The following MYRIP variants were observed in gnomAD, a reference collection of about 807,000 sequenced individuals.
The protein encoded by MYRIP is myosin VIIA and Rab interacting protein, also known as rab effector MyRIP.
MYRIP carries 49 observed loss-of-function variants against 98.0 expected under a neutral mutation model. That is an observed-to-expected ratio of 0.50 (90% CI 0.40 to 0.63). The LOEUF is 0.63. MYRIP is among the 30% of genes least tolerant of loss of function. The pLI, the probability that MYRIP is intolerant of heterozygous loss-of-function variation, is 0.00. For synonymous variants in MYRIP, 404 were observed against 409.5 expected (o/e 0.99, Z 0.16); for missense variants, 1,004 against 1,058.2 (o/e 0.95, Z 0.71).
intron 10 of MYRIP, among the ~76,000 whole-genome samples, chr3:40,201,601 A>C (rs1290346059): frequency 6.6e-6 from 1 of 152,168 alleles, no homozygotes; most frequent in East Asian, 1.9e-4. Flanking sequence ...CAATTCCACC[A>C]ACCAGGCAGG....
intron 2 of MYRIP, among the ~76,000 whole-genome samples, chr3:39,958,593 C>T (rs1431519349): frequency 6.6e-6 from 1 of 152,122 alleles, no homozygotes; most frequent in Non-Finnish European, 1.5e-5. Context: ...AAAACCTAGG[C>T]AATACCATTC....
intron 1 of MYRIP, among the ~76,000 whole-genome samples, chr3:39,877,227 C>G (rs1421534427): frequency 6.6e-6 from 1 of 152,126 alleles, no homozygotes; most frequent in Admixed American, 6.5e-5. Context: ...ATTGGTTGTT[C>G]TAGTTATACA....
At chr3:40,082,847 C>T (rs796677669) in intron 3 of MYRIP, among the ~76,000 whole-genome samples, 57 of 152,190 alleles carry the variant, frequency 3.7e-4, no homozygotes, top group African/African-American at 8.2e-4. Flanking sequence ...AGATAAATTT[C>T]GGGAAATGGT....
Position 40,147,111 on chromosome 3 carries a change from C to A in MYRIP, c.333-3937C>A, listed in dbSNP as rs184854167. The stretch of plus-strand genomic sequence containing the variant: ...ATCCTAAATAATATGTTTATCTTGC[C>A]ACTTATTGATTAGTCAACTTTAGAC... On this transcript the variant is annotated intron_variant, in intron 3 of 16. Transcript: ENST00000302541. Among the ~76,000 whole-genome samples, 142 of 152,284 alleles carry A rather than the reference C, an allele frequency of 9.3e-4. 1 individual carries two copies. Among genetic ancestry groups the A allele is most frequent in the African/African-American group, 3.3e-3 (139 of 41,546 alleles).
At chr3:40,205,168 G>A (rs60249586) in intron 10 of MYRIP, among the ~76,000 whole-genome samples, 56,201 of 151,886 alleles carry the variant, frequency 0.37, 10,694 homozygotes, top group East Asian at 0.62. Flanking sequence ...TGAGGTGGGG[G>A]GTCAGAGGTC....
intron 1 of MYRIP, among the ~76,000 whole-genome samples, chr3:39,897,195 G>A (rs555507511): frequency 1.2e-4 from 19 of 152,296 alleles, no homozygotes; most frequent in African/African-American, 4.3e-4. Flanking sequence ...AAAGAAAGAG[G>A]TTTCTGCAGA....
At chr3:40,206,045 T>C (rs1951784628) in intron 10 of MYRIP, among the ~76,000 whole-genome samples, 1 of 152,136 alleles carries the variant, frequency 6.6e-6, no homozygotes, top group African/African-American at 2.4e-5. Context: ...TGAAAACTAA[T>C]AATGCTCATC....
intron 1 of MYRIP, among the ~76,000 whole-genome samples, chr3:39,829,407 T>TATTTGTATTGATA (rs1372759073): frequency 2.0e-5 from 3 of 152,206 alleles, no homozygotes; most frequent in Non-Finnish European, 4.4e-5. Context: ...TGATAGGTCT[T>TATTTGTATTGATA]GGGGTTTTGG....
chr3:39,970,773 A>G (rs1035322440), intron 2 of MYRIP, among the ~76,000 whole-genome samples: 3 of 152,170 alleles, frequency 2.0e-5, no homozygotes, highest in Non-Finnish European at 1.5e-5. Context: ...CATTGTGAGT[A>G]GTAATTGTGT....
chr3:40,188,451 G>C (rs1003522762), intron 9 of MYRIP, among the ~76,000 whole-genome samples: 1 of 148,064 alleles, frequency 6.8e-6, no homozygotes, highest in Non-Finnish European at 1.5e-5. Context: ...CTGCCCCCAG[G>C]CAACCCTGCA....
At chr3:40,079,537 G>T (rs1948428376) in intron 3 of MYRIP, among the ~76,000 whole-genome samples, 1 of 152,196 alleles carries the variant, frequency 6.6e-6, no homozygotes, top group Non-Finnish European at 1.5e-5. Flanking sequence ...AGCTTTCAGA[G>T]CACACATGAG....
intron 1 of MYRIP, among the ~76,000 whole-genome samples, chr3:39,871,995 G>GA (rs544337587): frequency 2.0e-5 from 3 of 152,108 alleles, no homozygotes; most frequent in African/African-American, 7.2e-5. Flanking sequence ...ATAGATGCTT[G>GA]AAGCTATTAT....
chr3:40,125,704 A>G (rs1486450501), intron 3 of MYRIP, among the ~76,000 whole-genome samples: 2 of 152,082 alleles, frequency 1.3e-5, no homozygotes, highest in African/African-American at 4.8e-5. Context: ...GGGATCGGAG[A>G]AATTGCGCAT....
At chr3:39,870,132 G>A in intron 1 of MYRIP, among the ~76,000 whole-genome samples, 1 of 152,150 alleles carries the variant, frequency 6.6e-6, no homozygotes, top group Admixed American at 6.5e-5. Context: ...GGGCATAGCA[G>A]GGGTCATTCA....
At chr3:39,979,290 A>G (rs1945825965) in intron 2 of MYRIP, among the ~76,000 whole-genome samples, 1 of 152,084 alleles carries the variant, frequency 6.6e-6, no homozygotes. Context: ...TTAGCTTTCA[A>G]ACTATATTTT....
At chr3:40,115,516 C>T (rs576296317) in intron 3 of MYRIP, among the ~76,000 whole-genome samples, 1 of 152,248 alleles carries the variant, frequency 6.6e-6, no homozygotes, top group East Asian at 1.9e-4. Context: ...ATGCAGGAAA[C>T]CACTCCCATG....
At chr3:40,052,828 C>A (rs578228989) in intron 3 of MYRIP, among the ~76,000 whole-genome samples, 1 of 152,130 alleles carries the variant, frequency 6.6e-6, no homozygotes, top group South Asian at 2.1e-4. Context: ...TATGATAAAT[C>A]CTTTAAAATA....
At position 40,075,993 on chromosome 3, in the gene MYRIP, C is replaced by T. The variant is rs979362200; in HGVS notation, c.332+31722C>T. ...GGTGGGTCACTTGAGCCCAGGAGTT[C>T]GAGACCAGCCTGGCCAACGTGGTAA... On this transcript the variant is annotated intron_variant, in intron 3 of 16. Coordinates refer to ENST00000302541, the MANE Select transcript of MYRIP (RefSeq NM_015460.4). Among the ~76,000 whole-genome samples the T allele has an allele frequency of 4.1e-4, 63 of 152,032 alleles. 1 individual carries two copies. The highest frequency in any genetic ancestry group is 1.5e-3 in the African/African-American group (61 of 41,374).
intron 2 of MYRIP, among the ~76,000 whole-genome samples, chr3:40,037,355 A>G (rs899896821): frequency 1.3e-5 from 2 of 152,088 alleles, no homozygotes; most frequent in African/African-American, 4.8e-5. Context: ...AGGGAGATAT[A>G]TAGCCTTTTA....
Sources: allele counts gnomAD v4.1 joint callset (sites outside exome capture counted in the v4.1 genomes callset), GRCh38; gene constraint gnomAD v4.1.1; transcripts MANE v1.5; gene names NCBI Gene and HGNC (gene_info 2026-07-23, HGNC 2026-07-21).